Variants in SLC2A5 observed in about 807,000 individuals in gnomAD.
The protein encoded by SLC2A5 is solute carrier family 2 member 5, also known as solute carrier family 2, facilitated glucose transporter member 5.
A neutral mutation model predicts 50.3 loss-of-function variants in SLC2A5; 56 were observed. The observed-to-expected ratio is 1.11, with a 90% CI of 0.90 to 1.39. The LOEUF (loss-of-function observed/expected upper bound fraction) is 1.39. Among genes scored for constraint, SLC2A5 ranks in the 40% most tolerant of loss-of-function variants. The pLI is 0.00. For missense variants in SLC2A5, 566 were observed against 650.1 expected (o/e 0.87, Z 1.41); for synonymous variants, 269 against 281.9 (o/e 0.95, Z 0.46).
chr1:9,079,033 C>T (rs1006569221), intron 2 of SLC2A5, among the ~76,000 whole-genome samples: 4 of 152,132 alleles, frequency 2.6e-5, no homozygotes, highest in East Asian at 1.9e-4. Context: ...CCAGTGCCCA[C>T]GCGCGGTGTC....
intron 10 of SLC2A5, 85 bp from the exon 11 acceptor site, chr1:9,038,109 G>A: frequency 6.6e-7 from 1 of 1,518,174 alleles, no homozygotes; most frequent in Non-Finnish European, 8.9e-7. Context: ...CCAGGTAGCT[G>A]GCCCCAGGAC....
Position 9,069,616 on chromosome 1 carries a change from T to C in SLC2A5, c.-80A>G, listed in dbSNP as rs1642171465. 23 of 1,536,816 alleles carry C rather than the reference T, an allele frequency of 1.5e-5. No homozygotes were observed. Among genetic ancestry groups the C allele is most frequent in the Non-Finnish European group, 1.8e-5 (20 of 1,113,302 alleles). ...TGCACTGAATGGAGAGAGAAGACAT[T>C]CTGGGTGCACTTTGGCCATGCCAAA... On this transcript the variant is annotated 5_prime_UTR_variant, in exon 1 of 12. Transcript: ENST00000377424.
At chr1:9,057,957 G>A (rs1203263373) in intron 2 of SLC2A5, among the ~76,000 whole-genome samples, 195 bp downstream of exon 2, 1 of 152,228 alleles carries the variant, frequency 6.6e-6, no homozygotes, top group African/African-American at 2.4e-5. Context: ...CCCACTGTGT[G>A]TCCATCCAGA....
At chr1:9,058,315 C>A (rs1014779698) in intron 1 of SLC2A5, 65 bp from the exon 2 acceptor site, 1 of 1,096,412 alleles carries the variant, frequency 9.1e-7, no homozygotes, top group Non-Finnish European at 1.4e-6. Context: ...CGCTTTACTT[C>A]GGTTTCGTAG....
exon 2 of SLC2A5, chr1:9,085,033 C>T (rs576887328): frequency 6.6e-5 from 10 of 152,568 alleles, no homozygotes; most frequent in African/African-American, 1.9e-4. Context: ...GCACAGCACC[C>T]GCAGGACTCT....
chr1:9,047,926 G>A (rs1641477664), intron 3 of SLC2A5, among the ~76,000 whole-genome samples, 192 bp from the exon 4 acceptor site: 1 of 152,166 alleles, frequency 6.6e-6, no homozygotes, highest in African/African-American at 2.4e-5. Context: ...CTCAGTGTGG[G>A]GAGCAAATGG....
chr1:9,056,928 AC>A (rs1179452442), intron 3 of SLC2A5, among the ~76,000 whole-genome samples: 1 of 152,078 alleles, frequency 6.6e-6, no homozygotes, highest in Admixed American at 6.6e-5. Flanking sequence ...CCTGCTTCTA[AC>A]CCCTGAGACC....
intron 1 of SLC2A5, among the ~76,000 whole-genome samples, chr1:9,087,305 C>T (rs920812890): frequency 2.7e-4 from 41 of 151,596 alleles, no homozygotes; most frequent in Non-Finnish European, 4.1e-4. Flanking sequence ...CCCGGGTTCT[C>T]GCCATTCTCC....
At chr1:9,060,242 C>CCCCA (rs1553170330) in intron 1 of SLC2A5, among the ~76,000 whole-genome samples, 2 of 119,700 alleles carry the variant, frequency 1.7e-5, no homozygotes, top group African/African-American at 6.8e-5. Context: ...CACACACCCC[C>CCCCA]CATGTACACA....
Position 9,061,410 on chromosome 1 carries a change from T to C in SLC2A5, c.34-3160A>G, listed in dbSNP as rs138497164. Among the ~76,000 whole-genome samples the C allele has an allele frequency of 3.3e-3, 301 of 91,054 alleles. 8 individuals carry two copies. Among genetic ancestry groups the C allele is most frequent in the African/African-American group, 9.7e-3 (281 of 28,900 alleles). The allele number at this position is 91,054 out of a possible 152,430, so 59.7% of individuals were successfully genotyped here. A position where few individuals can be genotyped will look rare whatever the true frequency, so the allele number is the denominator to read the frequency against. Reference sequence around the variant, plus strand: ...TTGAGCCCTGGAGTTTGAGACCAGATTGGGCAACATAGGGAAATCCTGTCT... The same window carrying C: ...TTGAGCCCTGGAGTTTGAGACCAGACTGGGCAACATAGGGAAATCCTGTCT... On this transcript the variant is annotated intron_variant, in intron 1 of 11. Coordinates refer to ENST00000377424, the MANE Select transcript of SLC2A5 (RefSeq NM_003039.3).
rs1419071073 is a variant in SLC2A5, at chr1:9,037,017, G to A, written c.*569C>T. 2 of 153,656 alleles carry A rather than the reference G, an allele frequency of 1.3e-5. No homozygotes were observed. Among genetic ancestry groups the A allele is most frequent in the African/African-American group, 4.8e-5 (2 of 41,442 alleles). The allele number at this position is 153,656 out of a possible 1,614,324, so 9.5% of individuals were successfully genotyped here. On this transcript the variant is annotated 3_prime_UTR_variant, in exon 12 of 12. Coordinates refer to ENST00000377424, the MANE Select transcript of SLC2A5 (RefSeq NM_003039.3). ...CATTTTCCACTAACAAAATAATTTAGGATGAAGAATTCTGACTCAGTGTCT... is the reference window on the plus strand; with the variant it reads ...CATTTTCCACTAACAAAATAATTTAAGATGAAGAATTCTGACTCAGTGTCT...
chr1:9,068,188 T>TGAAAA (rs1642131340), intron 1 of SLC2A5, among the ~76,000 whole-genome samples: 1 of 29,268 alleles, frequency 3.4e-5, no homozygotes, highest in Admixed American at 4.4e-4. Flanking sequence ...AGACTCTGTG[T>TGAAAA]CAAAAAAAAA....
upstream of SLC2A5, among the ~76,000 whole-genome samples, chr1:9,089,815 A>G (rs1642443260): frequency 1.3e-5 from 2 of 152,152 alleles, no homozygotes; most frequent in Admixed American, 1.3e-4. Flanking sequence ...AAGCCCCCTG[A>G]CCATCACAGG....
chr1:9,051,265 C>CAAAG (rs145842598), intron 3 of SLC2A5, among the ~76,000 whole-genome samples: 5,614 of 151,040 alleles, frequency 0.037, 134 homozygotes, highest in African/African-American at 0.054. Flanking sequence ...GAGAGAGAGA[C>CAAAG]AAAGAAAGAA....
intron 3 of SLC2A5, chr1:9,049,251 C>T (rs1354342632): frequency 6.6e-6 from 3 of 452,652 alleles, no homozygotes; most frequent in East Asian, 1.4e-4. Flanking sequence ...ACGTGAGAGC[C>T]GCTTATACTA....
intron 1 of SLC2A5, 76 bp downstream of exon 1, chr1:9,069,428 C>T (rs1241345129): frequency 1.3e-5 from 20 of 1,487,426 alleles, no homozygotes; most frequent in Admixed American, 6.9e-5. Context: ...AGCCCCCCAG[C>T]GACTCTCCAG....
intron 2 of SLC2A5, among the ~76,000 whole-genome samples, chr1:9,079,634 A>T (rs1642331022): frequency 6.6e-6 from 1 of 152,076 alleles, no homozygotes; most frequent in Non-Finnish European, 1.5e-5. Context: ...TACAGACGTG[A>T]GCCACCATGC....
rs1230454352 is a variant in SLC2A5, at chr1:9,037,366, G to A, written c.*220C>T. 3.7e-6 allele frequency: 2 copies of A among 541,108 alleles called. No individual in the cohort carries two copies. The highest frequency in any genetic ancestry group is 3.2e-5 in the East Asian group (1 of 31,292). 33.5% of individuals were successfully genotyped at this position (541,108 alleles called of 1,614,324 possible). A position where few individuals can be genotyped will look rare whatever the true frequency, so the allele number is the denominator to read the frequency against. On this transcript the variant is annotated 3_prime_UTR_variant, in exon 12 of 12. Transcript: ENST00000377424. Reference sequence around the variant, plus strand: ...AGGACCAGCTGTTTAATTGACTCGGGTCTGGTGACAGGCCAACATGGAGAG... The same window carrying A: ...AGGACCAGCTGTTTAATTGACTCGGATCTGGTGACAGGCCAACATGGAGAG...
Position 9,037,511 on chromosome 1 carries a change from A to G in SLC2A5, c.*75T>C. 1.6e-6 allele frequency: 2 copies of G among 1,217,172 alleles called. No individual in the cohort carries two copies. Among genetic ancestry groups the G allele is most frequent in the Admixed American group, 1.8e-5 (1 of 56,114 alleles). The allele number at this position is 1,217,172 out of a possible 1,614,324, so 75.4% of individuals were successfully genotyped here. A position where few individuals can be genotyped will look rare whatever the true frequency, so the allele number is the denominator to read the frequency against. On this transcript the variant is annotated 3_prime_UTR_variant, in exon 12 of 12. Coordinates refer to ENST00000377424, the MANE Select transcript of SLC2A5 (RefSeq NM_003039.3). Reference sequence around the variant, plus strand: ...TTGTTTTATTTCTGGATATTCACAGACAGCTAGAAGTCAGAAAAATAAGCC... The same window carrying G: ...TTGTTTTATTTCTGGATATTCACAGGCAGCTAGAAGTCAGAAAAATAAGCC...
Sources: gnomAD v4.1 joint callset for allele counts (sites outside exome capture counted in the v4.1 genomes callset) on GRCh38, gnomAD v4.1.1 for gene constraint, MANE v1.5 for transcripts, NCBI Gene and HGNC (gene_info 2026-07-23, HGNC 2026-07-21) for gene names.